The following RIMS2 variants were observed in gnomAD, a reference collection of about 807,000 sequenced individuals.
The protein encoded by RIMS2 is regulating synaptic membrane exocytosis protein 2.
RIMS2 carries 59 observed loss-of-function variants against 174.4 expected under a neutral mutation model. That is an observed-to-expected ratio of 0.34 (90% confidence interval 0.27 to 0.42). The LOEUF is 0.42. Ranked by LOEUF, RIMS2 falls within the 10% of genes least tolerant of loss-of-function variation. RIMS2 has a pLI of 1.00. For missense variants in RIMS2, 1,620 were observed against 1,666.3 expected, an observed-to-expected ratio of 0.97 and a Z score of 0.48; for synonymous variants, 606 against 572.5, an observed-to-expected ratio of 1.06 and a Z score of -0.84.
At chr8:103,838,444 A>C (rs1024704393) in intron 3 of RIMS2, among the ~76,000 whole-genome samples, 2 of 152,218 alleles carry the variant, frequency 1.3e-5, no homozygotes, top group African/African-American at 4.8e-5. Context: ...GAAGCCAAAG[A>C]AAATAGGCCC....
At chr8:103,621,188 C>A (rs1247477528) in intron 1 of RIMS2, among the ~76,000 whole-genome samples, 1 of 152,166 alleles carries the variant, frequency 6.6e-6, no homozygotes, top group Non-Finnish European at 1.5e-5. Context: ...TTAATTTCCT[C>A]AGCAAGGCCA....
intron 17 of RIMS2, among the ~76,000 whole-genome samples, chr8:103,998,472 T>C (rs897617136): frequency 1.1e-4 from 17 of 151,920 alleles, no homozygotes; most frequent in Non-Finnish European, 5.9e-5. Context: ...GGAGAATCTC[T>C]TTGGTGATTC....
intron 1 of RIMS2, among the ~76,000 whole-genome samples, chr8:103,686,588 T>G (rs2096942665): frequency 6.6e-6 from 1 of 152,194 alleles, no homozygotes; most frequent in Non-Finnish European, 1.5e-5. Flanking sequence ...CAGATTATAT[T>G]GCTTGAATTT....
At chr8:103,557,112 T>C (rs2090632441) in intron 1 of RIMS2, among the ~76,000 whole-genome samples, 1 of 152,214 alleles carries the variant, frequency 6.6e-6, no homozygotes, top group African/African-American at 2.4e-5. Flanking sequence ...AAAAAATGTA[T>C]GTAAAGTACT....
rs1304019398 is a variant in RIMS2, at chr8:103,683,699, AC to A, written c.177-13386del. On this transcript the variant is annotated intron_variant, in intron 1 of 23. Coordinates refer to ENST00000504942, the Ensembl canonical transcript of RIMS2. ...ATCAACAGTGTTGCAGTGGAAATGC[AC>A]AGTATGGCACAAAGGTACAAATATG... Among the ~76,000 whole-genome samples the A allele has an allele frequency of 4.6e-5, 7 of 152,308 alleles. No individual in the cohort carries two copies. The East Asian group carries it at 1.3e-3, about 29-fold the overall frequency.
chr8:103,758,756 G>A (rs2098066069), intron 2 of RIMS2, among the ~76,000 whole-genome samples: 1 of 152,108 alleles, frequency 6.6e-6, no homozygotes, highest in South Asian at 2.1e-4. Flanking sequence ...TCTGCTTTTA[G>A]CAGAAGAAAG....
intron 2 of RIMS2, among the ~76,000 whole-genome samples, chr8:103,764,671 C>T (rs2098149044): frequency 6.6e-6 from 1 of 152,058 alleles, no homozygotes; most frequent in South Asian, 2.1e-4. Context: ...AAAATACATA[C>T]ATATATTGAT....
intron 19 of RIMS2, among the ~76,000 whole-genome samples, chr8:104,022,476 G>A (rs1042072610): frequency 3.3e-5 from 5 of 151,936 alleles, no homozygotes; most frequent in Non-Finnish European, 2.9e-5. Flanking sequence ...TCCCCCTCCC[G>A]GCTCAAGGGA....
intron 15 of RIMS2, among the ~76,000 whole-genome samples, chr8:103,967,207 G>C (rs1402223860): frequency 1.5e-5 from 1 of 68,486 alleles, no homozygotes; most frequent in Non-Finnish European, 2.4e-5. Flanking sequence ...TTTTGAGATA[G>C]AGTTTCACTC....
At chr8:103,635,690 G>A (rs1727398100) in intron 1 of RIMS2, among the ~76,000 whole-genome samples, 1 of 152,232 alleles carries the variant, frequency 6.6e-6, no homozygotes, top group African/African-American at 2.4e-5. Flanking sequence ...CCAGTGAGGA[G>A]GAGCAGGATC....
At chr8:103,697,442 C>CA in intron 2 of RIMS2, 146 bp downstream of exon 4, 1 of 705,726 alleles carries the variant, frequency 1.4e-6, no homozygotes, top group African/African-American at 1.8e-5. Context: ...GACACGATGG[C>CA]TCACGCCTGT....
chr8:103,526,579 G>A (rs571268956), intron 1 of RIMS2, among the ~76,000 whole-genome samples: 110 of 152,182 alleles, frequency 7.2e-4, no homozygotes, highest in African/African-American at 2.5e-3. Flanking sequence ...ATATAAGAGC[G>A]CTTTGGCAGA....
intron 17 of RIMS2, among the ~76,000 whole-genome samples, chr8:104,010,303 A>G (rs928142655): frequency 6.6e-6 from 1 of 152,168 alleles, no homozygotes; most frequent in Non-Finnish European, 1.5e-5. Context: ...ATGATTATAA[A>G]ATTATTTTTC....
intron 1 of RIMS2, among the ~76,000 whole-genome samples, chr8:103,593,551 C>A (rs911309529): frequency 6.6e-6 from 1 of 151,378 alleles, no homozygotes; most frequent in African/African-American, 2.4e-5. Flanking sequence ...CTTTTCCAAT[C>A]AAATATCTGT....
At chr8:103,646,888 G>C (rs780411688) in intron 1 of RIMS2, among the ~76,000 whole-genome samples, 10 of 152,156 alleles carry the variant, frequency 6.6e-5, no homozygotes, top group Non-Finnish European at 1.3e-4. Flanking sequence ...GGAGTGGTAG[G>C]AGAAAGCATC....
At chr8:103,748,732 A>G (rs955271445) in intron 2 of RIMS2, among the ~76,000 whole-genome samples, 7 of 151,784 alleles carry the variant, frequency 4.6e-5, no homozygotes, top group African/African-American at 1.7e-4. Flanking sequence ...GTCTTTTATA[A>G]TTTATCCTCT....
rs117627429 is a variant in RIMS2 at position 103,714,999 on chromosome 8, A to G, written c.387+17703A>G. ...TGGGCATACTTCAAGTTACCACTGG[A>G]GTTTCCAGGTCTAGTAATTATGACC... On this transcript the variant is annotated intron_variant, in intron 2 of 23. Transcript: ENST00000504942. 2.3e-4 allele frequency among the ~76,000 whole-genome samples: 35 copies of G among 152,308 alleles called. 2 individuals carry two copies. The East Asian group carries it at 6.8e-3, about 29-fold the overall frequency.
chr8:104,232,417 G>A (rs904651045), intron 19 of RIMS2, among the ~76,000 whole-genome samples: 1 of 152,172 alleles, frequency 6.6e-6, no homozygotes, highest in Non-Finnish European at 1.5e-5. Context: ...TATGCAACAT[G>A]TTTCCTTTCA....
At chr8:104,166,755 TATAA>T in intron 19 of RIMS2, among the ~76,000 whole-genome samples, 1 of 151,654 alleles carries the variant, frequency 6.6e-6, no homozygotes, top group Admixed American at 6.6e-5. Context: ...TATATTTATA[TATAA>T]ATATACTCTA....
Sources: gnomAD v4.1 joint callset for allele counts (sites outside exome capture counted in the v4.1 genomes callset) on GRCh38, gnomAD v4.1.1 for gene constraint, MANE v1.5 for transcripts, NCBI Gene and HGNC (gene_info 2026-07-23, HGNC 2026-07-21) for gene names.